Variants in CROCC observed in about 807,000 individuals in gnomAD.
The protein encoded by CROCC is rootletin.
CROCC carries 180 observed loss-of-function variants against 245.2 expected under a neutral mutation model. That is an observed-to-expected ratio of 0.73 (90% confidence interval 0.65 to 0.83). CROCC has a LOEUF of 0.83. CROCC is among the 40% of genes least tolerant of loss of function. The pLI is 0.00. For synonymous variants in CROCC, 1,205 were observed against 1,241.6 expected (o/e 0.97, Z 0.62); for missense variants, 2,688 against 2,779.4 (o/e 0.97, Z 0.74).
At chr1:16,938,616 C>T (rs139504827) in intron 11 of CROCC, 133 bp downstream of exon 11, 12 of 920,456 alleles carry the variant, frequency 1.3e-5, no homozygotes, top group South Asian at 1.7e-5. Context: ...CTGCTCAGCA[C>T]CCCTGCTAGC....
At chr1:16,938,680 T>C (rs1304332928) in intron 11 of CROCC, among the ~76,000 whole-genome samples, 197 bp downstream of exon 11, 3 of 152,278 alleles carry the variant, frequency 2.0e-5, no homozygotes, top group African/African-American at 7.2e-5. Flanking sequence ...GGCACGACCC[T>C]TTGGGAGCCC....
chr1:16,925,228 G>GGCGTGCAGATGAGAA (rs1479851662), intron 3 of CROCC, among the ~76,000 whole-genome samples: 1 of 152,288 alleles, frequency 6.6e-6, no homozygotes, highest in Admixed American at 6.5e-5. Flanking sequence ...GCAGATGAGA[G>GGCGTGCAGATGAGAA]GCATGCAGGT....
chr1:16,955,299 G>A lies in CROCC; in HGVS notation c.3466-13G>A. 1 of 1,605,638 alleles carries A rather than the reference G, an allele frequency of 6.2e-7. No homozygotes were observed. Among genetic ancestry groups the A allele is most frequent in the Non-Finnish European group, 8.5e-7 (1 of 1,179,166 alleles). On this transcript the variant is annotated splice_polypyrimidine_tract_variant and intron_variant, in intron 23 of 36. Transcript: ENST00000375541. The stretch of plus-strand genomic sequence containing the variant: ...CCTGACCGCTGCCCTGGGGACACCT[G>A]CTGTGCTCACAGGCAGAAGAGCTTC...
intron 14 of CROCC, among the ~76,000 whole-genome samples, chr1:16,945,092 G>T (rs528349460): frequency 2.6e-5 from 4 of 152,274 alleles, no homozygotes; most frequent in Non-Finnish European, 4.4e-5. Flanking sequence ...AATTAGTCAG[G>T]CGTGGTGGTG....
chr1:16,918,795 G>C (rs2075344718), upstream of CROCC, among the ~76,000 whole-genome samples: 1 of 149,348 alleles, frequency 6.7e-6, no homozygotes, highest in Admixed American at 6.7e-5. Context: ...GGAGTACAGT[G>C]GTGCGATCTC....
At chr1:16,946,499 C>G in intron 16 of CROCC, 94 bp downstream of exon 16, 2 of 1,490,906 alleles carry the variant, frequency 1.3e-6, no homozygotes, top group Non-Finnish European at 9.1e-7. Flanking sequence ...TGTCTTGGCC[C>G]CTGCCTCCCT....
At position 16,969,740 on chromosome 1, in the gene CROCC, T is replaced by C. The variant is rs761063094; in HGVS notation, c.5302-45T>C. The C allele has an allele frequency of 3.2e-6, 5 of 1,585,992 alleles. No homozygotes were observed. The East Asian group carries it at 1.1e-4, about 35-fold the overall frequency. Reference sequence around the variant, plus strand: ...GAGGTACAGAATAGAGAGGACTCCTTAGGGCTCCCAGGCCAGCCAGGCACC... The same window carrying C: ...GAGGTACAGAATAGAGAGGACTCCTCAGGGCTCCCAGGCCAGCCAGGCACC... On this transcript the variant is annotated intron_variant, in intron 32 of 36. Coordinates refer to ENST00000375541, the MANE Select transcript of CROCC (RefSeq NM_014675.5).
intron 12 of CROCC, among the ~76,000 whole-genome samples, chr1:16,939,399 C>CAGCT (rs1429930916): frequency 1.3e-5 from 2 of 152,200 alleles, no homozygotes; most frequent in African/African-American, 4.8e-5. Flanking sequence ...GGTGCTTGGG[C>CAGCT]AGCTGGTGGA....
In CROCC at chr1:16,954,186, C is replaced by A; in HGVS notation, c.3187-37C>A. ...GCCTGAGCATGCCCCCAGGACCAGCCCATCCCCCAAGCCCTTTGTCCCCTG... is the reference window on the plus strand; with the variant it reads ...GCCTGAGCATGCCCCCAGGACCAGCACATCCCCCAAGCCCTTTGTCCCCTG... On this transcript the variant is annotated intron_variant, in intron 21 of 36. Transcript: ENST00000375541. The surrounding 1 kb of genome is among the most constrained non-coding windows in gnomAD (Gnocchi z 4.4). The A allele has an allele frequency of 1.9e-6, 3 of 1,585,664 alleles. No homozygotes were observed. Among genetic ancestry groups the A allele is most frequent in the Middle Eastern group, 2.3e-4 (1 of 4,332 alleles).
At position 16,940,061 on chromosome 1, in the gene CROCC, G is replaced by C; in HGVS notation, c.1776G>C (p.Gln592His). 6.2e-7 allele frequency: 1 copy of C among 1,608,840 alleles called. No homozygotes were observed. Among genetic ancestry groups the C allele is most frequent in the Non-Finnish European group, 8.5e-7 (1 of 1,178,700 alleles). Residue 592 changes from glutamine (Q) to histidine (H), a missense_variant, in exon 13 of 37, where the codon CAG becomes CAC. This residue lies in a region of CROCC where 972 missense variants were observed against 895.3 expected (regional missense o/e 1.09). Transcript: ENST00000375541. The stretch of plus-strand genomic sequence containing the variant: ...ACGAGGACGCCCAGCGCGAGGTGCA[G>C]CGGCTGCGGAGCGCCAACGAGCTCC... ...QAHEDAQREV[Q>H]RLRSANELLS...
chr1:16,968,799 T>G (rs2076462670), intron 31 of CROCC, among the ~76,000 whole-genome samples: 1 of 152,192 alleles, frequency 6.6e-6, no homozygotes, highest in African/African-American at 2.4e-5. Context: ...AAAAAAATTT[T>G]AGGGTCGTGG....
At chr1:16,916,574 A>G (rs1459955945) in intron 1 of CROCC, among the ~76,000 whole-genome samples, 2 of 152,290 alleles carry the variant, frequency 1.3e-5, no homozygotes, top group Admixed American at 1.3e-4. Flanking sequence ...TGACACAACC[A>G]CGGCTCATTG....
chr1:16,948,136 G>A (rs1309241106), intron 17 of CROCC, among the ~76,000 whole-genome samples, 195 bp from the exon 18 acceptor site: 1 of 152,292 alleles, frequency 6.6e-6, no homozygotes, highest in Non-Finnish European at 1.5e-5. Flanking sequence ...GCTGGGCCCT[G>A]GTTTTTGTAC....
chr1:16,951,271 A>T (rs2100488034), intron 20 of CROCC, 149 bp downstream of exon 20: 1 of 674,358 alleles, frequency 1.5e-6, no homozygotes, highest in East Asian at 3.4e-5. Context: ...GGGGATGGGG[A>T]GGTTGTGGTT....
At chr1:16,951,894 T>TC (rs2076166799) in intron 20 of CROCC, 1 of 159,372 alleles carries the variant, frequency 6.3e-6, no homozygotes, top group African/African-American at 2.4e-5. Flanking sequence ...TTTTTTTTTT[T>TC]CTTTTTTCTT....
In CROCC at chr1:16,946,862, G is replaced by C. The variant is rs758192825; in HGVS notation, c.2385G>C (p.Leu795Phe). ...AGGAACGGCTAGAGGAGCTGCGGTT[G>C]GAGCAGGAGGTGGCGCGGCAGGGCC... ...EEQERLEELR[L>F]EQEVARQGLE... The change falls in exon 17 of 37, where the codon TTG (leucine) becomes TTC (phenylalanine). Residue 795 changes from leucine to phenylalanine, a missense_variant. Around this residue, in one of 9 missense-constraint regions of CROCC, gnomAD observed 295 missense variants for 241.7 expected, o/e 1.22. Transcript: ENST00000375541. 3 of 1,557,278 alleles carry C rather than the reference G, an allele frequency of 1.9e-6. No individual in the cohort carries two copies. Among genetic ancestry groups the C allele is most frequent in the South Asian group, 2.4e-5 (2 of 84,408 alleles).
Position 16,922,777 on chromosome 1 carries a change from C to A in CROCC, c.175C>A (p.Leu59Ile), listed in dbSNP as rs201265491. 2 of 1,613,384 alleles carry A rather than the reference C, an allele frequency of 1.2e-6. No individual in the cohort carries two copies. The highest frequency in any genetic ancestry group is 2.7e-5 in the African/African-American group (2 of 75,022). Reference protein sequence around the residue: ...ALIREIVTRNLSQPESPVLLP... With the variant: ...ALIREIVTRNISQPESPVLLP... The stretch of plus-strand genomic sequence containing the variant: ...TATCAGGGAGATTGTCACCCGCAAC[C>A]TCTCCCAGCCTGAGAGCCCAGGTGC... Residue 59 changes from leucine (L) to isoleucine (I), a missense_variant, in exon 2 of 37, where the codon CTC (leucine) becomes ATC (isoleucine). Transcript: ENST00000375541.
intron 26 of CROCC, among the ~76,000 whole-genome samples, chr1:16,960,484 T>G (rs990055825): frequency 6.6e-6 from 1 of 152,266 alleles, no homozygotes; most frequent in African/African-American, 2.4e-5. Context: ...TGCCTGGCAC[T>G]GATAAGCCCT....
Position 16,969,103 on chromosome 1 carries a change from GTCC to G in CROCC, c.5077-8_5077-6del, listed in dbSNP as rs375768685. 2.5e-6 allele frequency: 4 copies of G among 1,586,934 alleles called. No homozygotes were observed. Among genetic ancestry groups the G allele is most frequent in the Admixed American group, 1.8e-5 (1 of 54,484 alleles). Reference sequence around the variant, plus strand: ...GGGAACAGCCCCGATTGTTCTGGCTGTCCTCCTGCCAGGTGGCCGACAGCGAGG... The same window carrying G: ...GGGAACAGCCCCGATTGTTCTGGCTGTCCTGCCAGGTGGCCGACAGCGAGG... On this transcript the variant is annotated splice_polypyrimidine_tract_variant and intron_variant, in intron 31 of 36. Coordinates refer to ENST00000375541, the MANE Select transcript of CROCC (RefSeq NM_014675.5).
Sources: gnomAD v4.1 joint callset for allele counts (sites outside exome capture counted in the v4.1 genomes callset) on GRCh38, gnomAD v4.1.1 for gene constraint, gnomAD v4.1.1 regional missense constraint, Gnocchi (gnomAD v3.1) non-coding constraint, MANE v1.5 for transcripts, NCBI Gene and HGNC (gene_info 2026-07-23, HGNC 2026-07-21) for gene names.